The following PTPN4 variants were observed in gnomAD, a reference collection of about 807,000 sequenced individuals.
PTPN4 encodes tyrosine-protein phosphatase non-receptor type 4.
Under a neutral mutation model 135.5 loss-of-function variants are expected in PTPN4, and 49 were observed. That is an observed-to-expected ratio of 0.36 (90% CI 0.29 to 0.46). The LOEUF is 0.46. Ranked by LOEUF, PTPN4 falls within the 20% of genes least tolerant of loss-of-function variation. PTPN4 has a pLI of 1.00. For missense variants in PTPN4, 860 were observed against 1,101.0 expected (o/e 0.78, Z 3.10); for synonymous variants, 333 against 369.9 (o/e 0.90, Z 1.14).
chr2:119,955,938 A>G (rs80204262), intron 20 of PTPN4, among the ~76,000 whole-genome samples: 1 of 135,164 alleles, frequency 7.4e-6, no homozygotes, highest in Non-Finnish European at 1.6e-5. Context: ...CTCCATCTCA[A>G]AAAAATAATA....
chr2:119,762,176 G>T (rs147356598), intron 1 of PTPN4, among the ~76,000 whole-genome samples: 1,758 of 152,034 alleles, frequency 0.012, 19 homozygotes, highest in Middle Eastern at 0.027. Flanking sequence ...GAACTATTCT[G>T]TGACCAGTGT....
intron 2 of PTPN4, among the ~76,000 whole-genome samples, chr2:119,846,460 T>A (rs1677500305): frequency 6.6e-6 from 1 of 152,214 alleles, no homozygotes; most frequent in Non-Finnish European, 1.5e-5. Flanking sequence ...CCACCTTCCT[T>A]ACGGTGTAAC....
chr2:119,895,296 C>A (rs192906037), intron 9 of PTPN4, among the ~76,000 whole-genome samples: 1 of 152,088 alleles, frequency 6.6e-6, no homozygotes, highest in South Asian at 2.1e-4. Context: ...TTTGCGTTAT[C>A]GTACTGTTAA....
chr2:119,796,708 T>C (rs939743155), intron 1 of PTPN4, among the ~76,000 whole-genome samples: 1 of 152,242 alleles, frequency 6.6e-6, no homozygotes, highest in Non-Finnish European at 1.5e-5. Flanking sequence ...AGGAACGCAA[T>C]GGACAGCTCA....
chr2:119,783,335 G>A (rs1399839890), intron 1 of PTPN4, among the ~76,000 whole-genome samples: 1 of 152,078 alleles, frequency 6.6e-6, no homozygotes, highest in South Asian at 2.1e-4. Flanking sequence ...ACATGAGCAG[G>A]GTTATTCTCT....
intron 1 of PTPN4, among the ~76,000 whole-genome samples, chr2:119,768,170 A>T (rs1256081950): frequency 6.6e-6 from 1 of 152,050 alleles, no homozygotes; most frequent in Admixed American, 6.6e-5. Context: ...TCATTTTAAA[A>T]TTTCATTTTG....
At chr2:119,903,546 T>C (rs973580971) in intron 10 of PTPN4, among the ~76,000 whole-genome samples, 3 of 144,172 alleles carry the variant, frequency 2.1e-5, no homozygotes, top group Admixed American at 7.0e-5. Flanking sequence ...TGGCCATACC[T>C]GCAGCTGCTG....
At chr2:119,938,088 T>C (rs2105042129) in intron 15 of PTPN4, among the ~76,000 whole-genome samples, 1 of 152,046 alleles carries the variant, frequency 6.6e-6, no homozygotes, top group African/African-American at 2.4e-5. Flanking sequence ...CAACCGAAAG[T>C]TAACACGAAT....
At chr2:119,938,889 T>G (rs1679023537) in intron 15 of PTPN4, among the ~76,000 whole-genome samples, 1 of 152,124 alleles carries the variant, frequency 6.6e-6, no homozygotes, top group Non-Finnish European at 1.5e-5. Flanking sequence ...ACAACTTTCC[T>G]CCTTTTTGCA....
intron 3 of PTPN4, among the ~76,000 whole-genome samples, chr2:119,873,611 C>G (rs965491737): frequency 2.6e-5 from 4 of 152,142 alleles, no homozygotes; most frequent in Non-Finnish European, 5.9e-5. Flanking sequence ...AGATTAGAAA[C>G]AGAGCTCCAT....
At chr2:119,787,806 T>C (rs962309522) in intron 1 of PTPN4, among the ~76,000 whole-genome samples, 23 of 152,202 alleles carry the variant, frequency 1.5e-4, no homozygotes, top group African/African-American at 5.5e-4. Flanking sequence ...ATATAAAAAT[T>C]GGTTGAAAGC....
intron 2 of PTPN4, among the ~76,000 whole-genome samples, chr2:119,822,642 C>G (rs1448597103): frequency 6.6e-6 from 1 of 152,196 alleles, no homozygotes; most frequent in Non-Finnish European, 1.5e-5. Context: ...CAGGCGTGAG[C>G]CACCGCACCC....
intron 26 of PTPN4, among the ~76,000 whole-genome samples, chr2:119,972,261 T>C (rs1438980415): frequency 2.0e-5 from 3 of 152,306 alleles, no homozygotes; most frequent in East Asian, 1.9e-4. Flanking sequence ...AATAGTGATA[T>C]CACATCTTGC....
At chr2:119,802,690 T>C (rs561213484) in intron 1 of PTPN4, among the ~76,000 whole-genome samples, 3 of 152,320 alleles carry the variant, frequency 2.0e-5, no homozygotes, top group African/African-American at 4.8e-5. Context: ...TTTATGTTTT[T>C]GTCTGTTTTT....
At chr2:119,780,218 A>G (rs1690911992) in intron 1 of PTPN4, among the ~76,000 whole-genome samples, 1 of 152,138 alleles carries the variant, frequency 6.6e-6, no homozygotes, top group South Asian at 2.1e-4. Context: ...AAATTTCTGA[A>G]CTATTTGAGG....
Position 119,900,731 on chromosome 2 carries a change from A to G in PTPN4, c.689A>G (p.Asn230Ser), listed in dbSNP as rs1445382923. The change falls in exon 10 of 27, where the codon AAT becomes AGT. Residue 230 changes from asparagine (N) to serine (S), a missense_variant. Asn to Ser is a conservative substitution (Grantham distance 46). Around this residue, in one of 2 missense-constraint regions of PTPN4, gnomAD observed 684 missense variants for 807.0 expected, o/e 0.85. Coordinates refer to ENST00000263708, the MANE Select transcript of PTPN4 (RefSeq NM_002830.4). The stretch of plus-strand genomic sequence containing the variant: ...TTTTTTTTGAAGGATCAGAGTAACA[A>G]TGAAATTATGATTGGAGTGATGTCA... ...EFHYARDQSN[N>S]EIMIGVMSGG... The G allele has an allele frequency of 5.7e-6, 9 of 1,575,520 alleles. No individual in the cohort carries two copies. In the South Asian group the frequency reaches 5.9e-5, roughly 10 times the overall value.
chr2:119,835,764 A>G (rs1350531900), intron 2 of PTPN4, among the ~76,000 whole-genome samples: 1 of 152,064 alleles, frequency 6.6e-6, no homozygotes, highest in African/African-American at 2.4e-5. Context: ...TCAGGAGAGC[A>G]TCTTTAGAAA....
chr2:119,839,083 G>A (rs1277825511), intron 2 of PTPN4, among the ~76,000 whole-genome samples: 1 of 152,084 alleles, frequency 6.6e-6, no homozygotes, highest in East Asian at 1.9e-4. Context: ...CCTATTTCAG[G>A]AGGGTTTTTC....
At chr2:119,784,901 G>A (rs1368436254) in intron 1 of PTPN4, among the ~76,000 whole-genome samples, 2 of 151,830 alleles carry the variant, frequency 1.3e-5, no homozygotes, top group African/African-American at 4.8e-5. Flanking sequence ...AAAGTTTCTA[G>A]TTTTATCAGT....
Sources: allele counts gnomAD v4.1 joint callset (sites outside exome capture counted in the v4.1 genomes callset), GRCh38; gene constraint gnomAD v4.1.1; regional missense constraint gnomAD v4.1.1; transcripts MANE v1.5; gene names NCBI Gene and HGNC (gene_info 2026-07-23, HGNC 2026-07-21).